CEP152: variants seen among roughly 807,000 people sequenced by gnomAD.
CEP152 encodes centrosomal protein of 152 kDa.
Under a neutral mutation model 188.9 loss-of-function variants are expected in CEP152, and 132 were observed. That is an observed-to-expected ratio of 0.70 (90% CI 0.61 to 0.81). The LOEUF (loss-of-function observed/expected upper bound fraction) is 0.81, where lower values mean the gene tolerates loss of function less well. Among genes scored for constraint, CEP152 ranks in the 30% least tolerant of loss-of-function variants. The probability of loss-of-function intolerance (pLI) is 0.00; values close to 1 mark genes in which losing one functional copy is unlikely to be tolerated. For synonymous variants in CEP152, 649 were observed against 666.6 expected (o/e 0.97, Z 0.41); for missense variants, 1,914 against 1,969.8 (o/e 0.97, Z 0.54).
intron 24 of CEP152, 42 bp from the exon 25 acceptor site, chr15:48,742,142 T>C (rs1566974866): frequency 1.3e-6 from 2 of 1,593,294 alleles, no homozygotes; most frequent in African/African-American, 1.3e-5. Flanking sequence ...GTATGTTTAT[T>C]AGCACTTTTT....
intron 17 of CEP152, among the ~76,000 whole-genome samples, chr15:48,766,674 A>T (rs924543893): frequency 6.6e-6 from 1 of 152,164 alleles, no homozygotes; most frequent in Admixed American, 6.5e-5. Context: ...ATCCGAGAAA[A>T]AGGGCTCTGA....
chr15:48,772,681 C>G lies in CEP152; in HGVS notation c.1588G>C (p.Glu530Gln), dbSNP rs1267183326. 6.2e-7 allele frequency: 1 copy of G among 1,613,512 alleles called. No individual in the cohort carries two copies. The highest frequency in any genetic ancestry group is 1.3e-5 in the African/African-American group (1 of 74,908). Reference sequence around the variant, plus strand: ...GAAAGCTCTTCATTTGGGTCTTCTTCTTGTACAATGCTAATGGAGAAATTG... The same window carrying G: ...GAAAGCTCTTCATTTGGGTCTTCTTGTTGTACAATGCTAATGGAGAAATTG... Reference protein sequence around the residue: ...KKSKVTSIVQEEDPNEELSKD... With the variant: ...KKSKVTSIVQQEDPNEELSKD... The change falls in exon 13 of 27, where the codon GAA becomes CAA. Residue 530 changes from glutamate (E) to glutamine (Q), a missense_variant. Physicochemically the swap from Glu to Gln is conservative, Grantham distance 29 (BLOSUM62 2). Transcript: ENST00000380950.
At chr15:48,741,506 C>A in intron 26 of CEP152, 95 bp downstream of exon 26, 1 of 1,605,226 alleles carries the variant, frequency 6.2e-7, no homozygotes, top group Non-Finnish European at 8.5e-7. Flanking sequence ...AATTAACTCT[C>A]ACTCCTTACC....
intron 17 of CEP152, among the ~76,000 whole-genome samples, chr15:48,763,069 GAACCAA>G (rs761737697): frequency 3.3e-5 from 5 of 151,656 alleles, no homozygotes; most frequent in Non-Finnish European, 7.4e-5. Context: ...TCTAATTAAC[GAACCAA>G]AACCTGAACA....
intron 10 of CEP152, among the ~76,000 whole-genome samples, chr15:48,783,710 C>T (rs1343867147): frequency 6.7e-6 from 1 of 149,500 alleles, no homozygotes; most frequent in Non-Finnish European, 1.5e-5. Flanking sequence ...TACTGGTCTC[C>T]AGCTTCCAAA....
intron 13 of CEP152, among the ~76,000 whole-genome samples, chr15:48,769,739 T>C (rs1271838865): frequency 1.3e-5 from 2 of 152,378 alleles, no homozygotes; most frequent in East Asian, 1.9e-4. Context: ...GCATTTATTC[T>C]ATTTCTGTAT....
intron 12 of CEP152, among the ~76,000 whole-genome samples, chr15:48,780,831 G>A (rs964177160): frequency 2.6e-5 from 4 of 152,068 alleles, no homozygotes; most frequent in Non-Finnish European, 5.9e-5. Context: ...CACCTTCCAC[G>A]CAGCAAGTGC....
chr15:48,797,644 T>A lies in CEP152; in HGVS notation c.261+17A>T. On this transcript the variant is annotated intron_variant, in intron 4 of 26. Coordinates refer to ENST00000380950, the MANE Select transcript of CEP152 (RefSeq NM_001194998.2). Reference sequence around the variant, plus strand: ...AGTCCCACCCTCACCAAAGTCATCATCACACCAGATACTTACATTTACACT... The same window carrying A: ...AGTCCCACCCTCACCAAAGTCATCAACACACCAGATACTTACATTTACACT... 1 of 1,614,148 alleles carries A rather than the reference T, an allele frequency of 6.2e-7. No homozygotes were observed. Among genetic ancestry groups the A allele is most frequent in the Non-Finnish European group, 8.5e-7 (1 of 1,180,008 alleles).
At chr15:48,781,166 C>T (rs1595666476) in intron 12 of CEP152, 30 bp downstream of exon 12, 1 of 1,601,794 alleles carries the variant, frequency 6.2e-7, no homozygotes, top group Non-Finnish European at 8.6e-7. Flanking sequence ...GTTGGTTCTT[C>T]TACAGTAAAC....
Position 48,756,129 on chromosome 15 carries a change from T to C in CEP152, c.3119A>G (p.Tyr1040Cys), listed in dbSNP as rs752467260. The C allele has an allele frequency of 3.1e-6, 5 of 1,614,038 alleles. No individual in the cohort carries two copies. The highest frequency in any genetic ancestry group is 2.2e-5 in the South Asian group (2 of 91,088). ...AGTCAGGATGTCTTCCTCATACTGA[T>C]AGATTTCCAGTTGGATCCGCTTGGC... Reference protein sequence around the residue: ...QEAKRIQLEIYQYEEDILTVL... With the variant: ...QEAKRIQLEICQYEEDILTVL... Residue 1040 changes from tyrosine to cysteine, a missense_variant, in exon 20 of 27, where the codon TAT becomes TGT. Coordinates refer to ENST00000380950, the MANE Select transcript of CEP152 (RefSeq NM_001194998.2).
chr15:48,762,740 T>C (rs1894781333), intron 17 of CEP152, 68 bp from the exon 18 acceptor site: 5 of 1,519,668 alleles, frequency 3.3e-6, no homozygotes. Flanking sequence ...AATTAAAAGC[T>C]AGCCAGAAAA....
At chr15:48,784,209 T>C (rs375211882) in intron 9 of CEP152, 89 bp from the exon 10 acceptor site, 14 of 1,293,118 alleles carry the variant, frequency 1.1e-5, no homozygotes, top group African/African-American at 8.8e-5. Flanking sequence ...TTAGATTTGA[T>C]GTCAAACACA....
chr15:48,768,399 T>C (rs1207869783), intron 14 of CEP152, 71 bp from the exon 15 acceptor site: 9 of 825,636 alleles, frequency 1.1e-5, no homozygotes, highest in Non-Finnish European at 1.6e-5. Flanking sequence ...TTTTGTCTTA[T>C]TTTTTAATAT....
At chr15:48,791,863 ACCTGAT>A (rs1195318341) in intron 7 of CEP152, among the ~76,000 whole-genome samples, 2 of 151,938 alleles carry the variant, frequency 1.3e-5, no homozygotes, top group African/African-American at 4.8e-5. Flanking sequence ...AAAAAAACAA[ACCTGAT>A]ACCAAAAAAA....
intron 13 of CEP152, 147 bp from the exon 14 acceptor site, chr15:48,769,228 C>T (rs1895359788): frequency 4.7e-6 from 3 of 641,250 alleles, no homozygotes; most frequent in Non-Finnish European, 8.0e-6. Context: ...AACTACAGCA[C>T]AATCATCAAA....
At chr15:48,729,862 T>C (rs1367962588) in intron 2 of CEP152, 1 of 151,902 alleles carries the variant, frequency 6.6e-6, no homozygotes, top group Non-Finnish European at 1.5e-5. Flanking sequence ...TTATGAAGAT[T>C]TTCAATATAA....
At chr15:48,737,711 T>C (rs1348619886), downstream of CEP152, among the ~76,000 whole-genome samples, 1 of 152,168 alleles carries the variant, frequency 6.6e-6, no homozygotes, top group Non-Finnish European at 1.5e-5. Flanking sequence ...TAGTAAACCC[T>C]GGAAAACCTC....
intron 9 of CEP152, among the ~76,000 whole-genome samples, chr15:48,787,009 G>A (rs555126652): frequency 2.6e-5 from 4 of 151,854 alleles, no homozygotes; most frequent in Non-Finnish European, 5.9e-5. Flanking sequence ...ATCCAAGAAG[G>A]GCTACTGTCC....
downstream of CEP152, among the ~76,000 whole-genome samples, chr15:48,736,775 G>C (rs1185478400): frequency 6.6e-6 from 1 of 152,200 alleles, no homozygotes; most frequent in African/African-American, 2.4e-5. Context: ...CAACCTTAAT[G>C]TTGAGAGTTT....
Sources: allele counts gnomAD v4.1 joint callset (sites outside exome capture counted in the v4.1 genomes callset), GRCh38; gene constraint gnomAD v4.1.1; transcripts MANE v1.5; gene names NCBI Gene and HGNC (gene_info 2026-07-23, HGNC 2026-07-21).